APP: variants seen among roughly 807,000 people sequenced by gnomAD.
APP encodes the protein amyloid beta precursor protein, also known as amyloid-beta precursor protein.
In APP, 31 loss-of-function variants were observed where a neutral mutation model predicts 101.4. The observed-to-expected ratio is 0.31, with a 90% confidence interval of 0.23 to 0.41. The LOEUF (loss-of-function observed/expected upper bound fraction) is 0.41. Among genes scored for constraint, APP ranks in the 10% least tolerant of loss-of-function variants. The pLI, the probability that APP is intolerant of heterozygous loss-of-function variation, is 1.00. For synonymous variants in APP, 366 were observed against 364.4 expected, an observed-to-expected ratio of 1.00 and a Z score of -0.05; for missense variants, 839 against 1,003.7, an observed-to-expected ratio of 0.84 and a Z score of 2.22.
chr21:26,150,009 C>T (rs1432470740), intron 1 of APP, among the ~76,000 whole-genome samples: 2 of 152,192 alleles, frequency 1.3e-5, no homozygotes, highest in East Asian at 3.8e-4. Flanking sequence ...AGGTTCAGCA[C>T]ATGAGGCCTT....
At chr21:25,893,093 A>T (rs903546354) in intron 16 of APP, among the ~76,000 whole-genome samples, 2 of 152,190 alleles carry the variant, frequency 1.3e-5, no homozygotes, top group African/African-American at 4.8e-5. Context: ...AAAAATTATT[A>T]TATCTGTTTG....
At chr21:26,138,566 T>A (rs1283657260) in intron 1 of APP, among the ~76,000 whole-genome samples, 1 of 150,666 alleles carries the variant, frequency 6.6e-6, no homozygotes, top group Non-Finnish European at 1.5e-5. Context: ...GGTGTTCCTC[T>A]CCTGTAGTCC....
chr21:25,882,148 G>C (rs551615943), intron 17 of APP, among the ~76,000 whole-genome samples: 5 of 151,960 alleles, frequency 3.3e-5, no homozygotes, highest in African/African-American at 1.2e-4. Context: ...AAGTGTTTTG[G>C]TAAAATAGAT....
Position 25,881,963 on chromosome 21 carries a change from T to C in APP, c.2212-192A>G, listed in dbSNP as rs1485558224. Among the ~76,000 whole-genome samples the C allele has an allele frequency of 2.6e-5, 4 of 152,106 alleles. No individual in the cohort carries two copies. In the East Asian group the frequency reaches 7.7e-4, roughly 29 times the overall value. On this transcript the variant is annotated intron_variant, in intron 17 of 17. Transcript: ENST00000346798. ...CCCACCAGTTACACAGATGCTGTGC[T>C]CCATCTAGCCACCAGGTGGCGGTGG... is the stretch of plus-strand genomic sequence containing the variant.
At chr21:26,107,149 T>C (rs2062201139) in intron 2 of APP, among the ~76,000 whole-genome samples, 2 of 152,160 alleles carry the variant, frequency 1.3e-5, no homozygotes, top group African/African-American at 4.8e-5. Context: ...TCTTACACCC[T>C]TATTACTTAC....
At chr21:26,100,695 C>CTGCTTTGTGCAGGCACTACTG (rs2062035478) in intron 2 of APP, among the ~76,000 whole-genome samples, 1 of 152,014 alleles carries the variant, frequency 6.6e-6, no homozygotes. Flanking sequence ...CAGGCAGTTT[C>CTGCTTTGTGCAGGCACTACTG]TGCTTTGTGC....
At chr21:26,049,913 T>C (rs2045766861) in intron 5 of APP, among the ~76,000 whole-genome samples, 1 of 152,172 alleles carries the variant, frequency 6.6e-6, no homozygotes, top group African/African-American at 2.4e-5. Context: ...CATGACTGTG[T>C]TCAGGTACTG....
intron 11 of APP, among the ~76,000 whole-genome samples, chr21:25,960,158 C>A (rs781637195): frequency 6.6e-6 from 1 of 151,546 alleles, no homozygotes; most frequent in Non-Finnish European, 1.5e-5. Flanking sequence ...TGTATGTCTA[C>A]GTGTAAGTGT....
intron 1 of APP, among the ~76,000 whole-genome samples, chr21:26,136,201 G>GAAAGAAAGAAAGAAAGAAAGA (rs1437228929): frequency 8.9e-6 from 1 of 112,646 alleles, no homozygotes; most frequent in Non-Finnish European, 1.9e-5. Context: ...AAGAAAGAAA[G>GAAAGAAAGAAAGAAAGAAAGA]AAAAGAAAAG....
intron 16 of APP, among the ~76,000 whole-genome samples, chr21:25,896,418 T>A (rs56051680): frequency 0.018 from 2,737 of 149,448 alleles, 83 homozygotes; most frequent in African/African-American, 0.062. Context: ...AAAGTAACAC[T>A]CACACACACA....
At chr21:26,018,417 G>A (rs114856606) in intron 6 of APP, among the ~76,000 whole-genome samples, 4 of 152,220 alleles carry the variant, frequency 2.6e-5, no homozygotes, top group African/African-American at 7.2e-5. Flanking sequence ...TACAAAATGA[G>A]TAATCACCTA....
intron 1 of APP, among the ~76,000 whole-genome samples, chr21:26,139,094 G>C (rs1307496746): frequency 6.6e-6 from 1 of 151,992 alleles, no homozygotes; most frequent in African/African-American, 2.4e-5. Context: ...TTAGTATCTT[G>C]AACTGCAGAG....
chr21:25,916,603 T>A (rs1025942787), intron 13 of APP, among the ~76,000 whole-genome samples: 6 of 152,216 alleles, frequency 3.9e-5, no homozygotes, highest in South Asian at 4.1e-4. Context: ...TGATGGATTA[T>A]CCTTTTATCT....
At chr21:26,050,942 A>C in intron 5 of APP, 58 bp downstream of exon 5, 3 of 1,585,098 alleles carry the variant, frequency 1.9e-6, no homozygotes, top group Non-Finnish European at 2.6e-6. Flanking sequence ...TACAGGATAC[A>C]AATACTCCAT....
chr21:26,036,293 G>A (rs1390742469), intron 5 of APP, among the ~76,000 whole-genome samples: 1 of 140,386 alleles, frequency 7.1e-6, no homozygotes, highest in Non-Finnish European at 1.6e-5. Flanking sequence ...TAGAACTGGG[G>A]GGTGGGCACT....
chr21:26,038,770 A>C (rs1310772988), intron 5 of APP, among the ~76,000 whole-genome samples: 2 of 151,924 alleles, frequency 1.3e-5, no homozygotes, highest in Non-Finnish European at 2.9e-5. Flanking sequence ...ACAAACAAAC[A>C]AAAAAAACAT....
chr21:25,925,095 CCT>C (rs1007106687), intron 13 of APP, among the ~76,000 whole-genome samples: 2 of 152,188 alleles, frequency 1.3e-5, no homozygotes, highest in East Asian at 1.9e-4. Context: ...TTCTCTCTCC[CCT>C]GACACAGCTG....
chr21:26,158,314 A>T (rs150645676), intron 1 of APP: 32 of 152,376 alleles, frequency 2.1e-4, no homozygotes, highest in African/African-American at 7.5e-4. Flanking sequence ...GGAGAATCTT[A>T]GCTTTGGTTC....
intron 1 of APP, among the ~76,000 whole-genome samples, chr21:26,166,360 G>C (rs1206796695): frequency 6.6e-6 from 1 of 152,184 alleles, no homozygotes; most frequent in Non-Finnish European, 1.5e-5. Flanking sequence ...GACCCACAGG[G>C]TGACAGCGTT....
Sources: gnomAD v4.1 joint callset for allele counts (sites outside exome capture counted in the v4.1 genomes callset) on GRCh38, gnomAD v4.1.1 for gene constraint, MANE v1.5 for transcripts, NCBI Gene and HGNC (gene_info 2026-07-23, HGNC 2026-07-21) for gene names.